Variants in SORCS1 observed in about 807,000 individuals in gnomAD.
SORCS1 encodes the protein VPS10 domain-containing receptor SorCS1.
Under a neutral mutation model 146.1 loss-of-function variants are expected in SORCS1, and 60 were observed. The ratio of observed to expected loss-of-function variants is 0.41; its 90% confidence interval spans 0.33 to 0.51. The LOEUF is 0.51. Ranked by LOEUF, SORCS1 falls within the 20% of genes least tolerant of loss-of-function variation. The pLI is 0.21. For synonymous variants in SORCS1, 637 were observed against 584.0 expected, an observed-to-expected ratio of 1.09 and a Z score of -1.31; for missense variants, 1,352 against 1,487.6, an observed-to-expected ratio of 0.91 and a Z score of 1.50.
chr10:107,133,614 C>G (rs1967033738), intron 1 of SORCS1, among the ~76,000 whole-genome samples: 1 of 152,094 alleles, frequency 6.6e-6, no homozygotes, highest in Non-Finnish European at 1.5e-5. Context: ...AGTTAGAAAC[C>G]CAGGCTGCTG....
chr10:107,170,453 A>G, the SORCS1 span, among the ~76,000 whole-genome samples: 1 of 152,212 alleles, frequency 6.6e-6, no homozygotes, highest in African/African-American at 2.4e-5. Flanking sequence ...AAAAGCTTCT[A>G]TATGATAAGA....
chr10:106,664,788 C>G (rs1196867983), intron 17 of SORCS1, among the ~76,000 whole-genome samples: 1 of 151,956 alleles, frequency 6.6e-6, no homozygotes, highest in African/African-American at 2.4e-5. Context: ...CAAAGACAGA[C>G]TAATATAACT....
chr10:106,681,504 C>T (rs556533279), intron 10 of SORCS1, among the ~76,000 whole-genome samples: 2 of 152,296 alleles, frequency 1.3e-5, no homozygotes, highest in African/African-American at 4.8e-5. Flanking sequence ...TCAAGTAATG[C>T]TTTTTTGTTG....
At chr10:107,146,897 T>C (rs1379754053) in intron 1 of SORCS1, among the ~76,000 whole-genome samples, 2 of 152,178 alleles carry the variant, frequency 1.3e-5, no homozygotes, top group Non-Finnish European at 2.9e-5. Context: ...CAATTCCTTG[T>C]ACTCATGTCT....
Position 106,841,952 on chromosome 10 carries a change from G to A in SORCS1, c.627-12279C>T, listed in dbSNP as rs922952989. 3.3e-5 allele frequency among the ~76,000 whole-genome samples: 5 copies of A among 152,174 alleles called. No individual in the cohort carries two copies. In the East Asian group the frequency reaches 5.8e-4, roughly 18 times the overall value. On this transcript the variant is annotated intron_variant, in intron 2 of 25. Coordinates refer to ENST00000263054, the MANE Select transcript of SORCS1 (RefSeq NM_052918.5). ...CCTTTGGGTAAATATCAAGGTATGT[G>A]ATTGCTGGATTGTATATTGAGTATA...
intron 17 of SORCS1, 58 bp from the exon 18 acceptor site, chr10:106,652,611 CT>C: frequency 2.5e-6 from 4 of 1,582,766 alleles, no homozygotes; most frequent in Non-Finnish European, 2.6e-6. Flanking sequence ...ATCATTCCCA[CT>C]TTTTAAAATT....
rs200652364 is a variant in SORCS1 at position 106,791,111 on chromosome 10, AAG to A, written c.727-14421_727-14420del. Among the ~76,000 whole-genome samples, 570 of 152,354 alleles carry A rather than the reference AAG, an allele frequency of 3.7e-3. 8 individuals carry two copies. The highest frequency in any genetic ancestry group is 0.013 in the African/African-American group (549 of 41,586). On this transcript the variant is annotated intron_variant, in intron 3 of 25. Coordinates refer to ENST00000263054, the MANE Select transcript of SORCS1 (RefSeq NM_052918.5). Reference sequence around the variant, plus strand: ...TCAGAAAGAGACACAAAGTGGGAGAAAGAGAAATTTATACAGCAAGAGGGTGT... The same window carrying A: ...TCAGAAAGAGACACAAAGTGGGAGAAAGAAATTTATACAGCAAGAGGGTGT...
intron 2 of SORCS1, among the ~76,000 whole-genome samples, chr10:106,868,173 C>A (rs1416141805): frequency 6.6e-6 from 1 of 152,086 alleles, no homozygotes; most frequent in Non-Finnish European, 1.5e-5. Flanking sequence ...TATACACACC[C>A]AACACAGGAG....
chr10:106,633,453 A>C (rs1178115641), intron 18 of SORCS1, among the ~76,000 whole-genome samples: 1 of 152,132 alleles, frequency 6.6e-6, no homozygotes, highest in Admixed American at 6.5e-5. Context: ...ACATTAACCA[A>C]TCTCTCCCTG....
At chr10:106,726,808 C>A (rs995975898) in intron 6 of SORCS1, among the ~76,000 whole-genome samples, 1 of 152,120 alleles carries the variant, frequency 6.6e-6, no homozygotes, top group Non-Finnish European at 1.5e-5. Context: ...GACTCTCGGC[C>A]GGGTGCGGTG....
At chr10:107,146,556 C>CA in intron 1 of SORCS1, among the ~76,000 whole-genome samples, 1 of 152,256 alleles carries the variant, frequency 6.6e-6, no homozygotes, top group South Asian at 2.1e-4. Context: ...AAATCCCCAG[C>CA]ACCTGGTGTA....
At chr10:106,853,412 C>CA (rs774425857) in intron 2 of SORCS1, among the ~76,000 whole-genome samples, 9 of 146,158 alleles carry the variant, frequency 6.2e-5, no homozygotes, top group South Asian at 2.2e-4. Flanking sequence ...TTTTTTTTTC[C>CA]AAAAAAACAG....
intron 1 of SORCS1, among the ~76,000 whole-genome samples, chr10:107,081,451 T>C (rs930173833): frequency 1.3e-5 from 2 of 152,224 alleles, no homozygotes; most frequent in African/African-American, 2.4e-5. Flanking sequence ...CACAAGACTT[T>C]CCATTTAGAG....
At chr10:106,950,990 G>C (rs1307741672) in intron 2 of SORCS1, among the ~76,000 whole-genome samples, 1 of 152,090 alleles carries the variant, frequency 6.6e-6, no homozygotes, top group Non-Finnish European at 1.5e-5. Context: ...GTTACGAAGA[G>C]AAAATATCCA....
At position 107,049,909 on chromosome 10, in the gene SORCS1, G is replaced by A. The variant is rs1959943780; in HGVS notation, c.559-93329C>T. The stretch of plus-strand genomic sequence containing the variant: ...ATTCCACCTTTGGCTAATATTTTGT[G>A]TGAAGAGAGAATAATTATTAAACGA... On this transcript the variant is annotated intron_variant, in intron 1 of 25. Transcript: ENST00000263054. 2.6e-5 allele frequency among the ~76,000 whole-genome samples: 4 copies of A among 152,310 alleles called. No individual in the cohort carries two copies. In the South Asian group the frequency reaches 8.3e-4, roughly 32 times the overall value.
At chr10:106,709,129 T>G in intron 7 of SORCS1, 94 bp downstream of exon 7, 1 of 907,664 alleles carries the variant, frequency 1.1e-6, no homozygotes, top group South Asian at 1.5e-5. Context: ...ATCCTCTCTT[T>G]TTGACTCTTA....
chr10:106,824,245 G>A lies in SORCS1; in HGVS notation c.726+5329C>T, dbSNP rs929448770. ...CTTCAACTCAGGAGGCGGAGGTTGC[G>A]GTTGTGCCACTGTACTCCAGCCTAG... is the stretch of plus-strand genomic sequence containing the variant. On this transcript the variant is annotated intron_variant, in intron 3 of 25. Transcript: ENST00000263054. Among the ~76,000 whole-genome samples, 5 of 150,070 alleles carry A rather than the reference G, an allele frequency of 3.3e-5. No individual in the cohort carries two copies. The East Asian group carries it at 5.9e-4, about 18-fold the overall frequency.
chr10:107,007,039 G>A (rs886843647), intron 1 of SORCS1, among the ~76,000 whole-genome samples: 3 of 152,076 alleles, frequency 2.0e-5, no homozygotes, highest in Admixed American at 6.5e-5. Flanking sequence ...CTAGACCTAC[G>A]CTTAGCATCT....
chr10:107,014,380 A>G (rs1008700204), intron 1 of SORCS1, among the ~76,000 whole-genome samples: 3 of 152,136 alleles, frequency 2.0e-5, no homozygotes, highest in Non-Finnish European at 4.4e-5. Context: ...GTTGCAGGGC[A>G]TCAGCCCTCT....
Sources: gnomAD v4.1 joint callset for allele counts (sites outside exome capture counted in the v4.1 genomes callset) on GRCh38, gnomAD v4.1.1 for gene constraint, MANE v1.5 for transcripts, NCBI Gene and HGNC (gene_info 2026-07-23, HGNC 2026-07-21) for gene names.